Variants in SETD1B observed in about 807,000 individuals in gnomAD.
SETD1B encodes the protein histone-lysine N-methyltransferase SETD1B.
SETD1B carries 7 observed loss-of-function variants against 148.0 expected under a neutral mutation model. That is an observed-to-expected ratio of 0.05 (90% confidence interval 0.03 to 0.09). The LOEUF is 0.09. Ranked by LOEUF, SETD1B falls within the 10% of genes least tolerant of loss-of-function variation. SETD1B has a pLI of 1.00. For synonymous variants in SETD1B, 1,361 were observed against 1,186.5 expected, an observed-to-expected ratio of 1.15 and a Z score of -3.02; for missense variants, 2,155 against 2,729.9, an observed-to-expected ratio of 0.79 and a Z score of 4.69.
At chr12:121,816,890 GT>G (rs1467462607) in intron 7 of SETD1B, 142 bp from the exon 8 acceptor site, 1 of 710,684 alleles carries the variant, frequency 1.4e-6, no homozygotes, top group Non-Finnish European at 2.3e-6. Context: ...ACGGCATAGT[GT>G]GGCCAGGTGT....
At chr12:121,791,635 C>T in the SETD1B span, among the ~76,000 whole-genome samples, 12 of 152,320 alleles carry the variant, frequency 7.9e-5, no homozygotes, top group East Asian at 2.3e-3. Context: ...TCCAGAATCT[C>T]CACAACTCAA....
At chr12:121,826,092 A>G (rs886948419) in intron 13 of SETD1B, among the ~76,000 whole-genome samples, 4 of 152,094 alleles carry the variant, frequency 2.6e-5, no homozygotes, top group African/African-American at 9.7e-5. Context: ...TTAAAAAAAA[A>G]TTGAGACGGG....
At chr12:121,815,405 C>T (rs1876243232) in intron 7 of SETD1B, among the ~76,000 whole-genome samples, 1 of 151,362 alleles carries the variant, frequency 6.6e-6, no homozygotes, top group African/African-American at 2.4e-5. Context: ...ACTGCCCCCC[C>T]CGCCCATTGC....
intron 10 of SETD1B, 52 bp from the exon 11 acceptor site, chr12:121,819,352 G>T (rs1876452820): frequency 3.2e-6 from 5 of 1,548,940 alleles, no homozygotes; most frequent in Admixed American, 2.0e-5. Flanking sequence ...TCTGGTGGGG[G>T]CTGGGGCACA....
At chr12:121,790,640 G>A in the SETD1B span, among the ~76,000 whole-genome samples, 2 of 152,190 alleles carry the variant, frequency 1.3e-5, no homozygotes, top group Admixed American at 6.5e-5. Flanking sequence ...ACCCTACAGG[G>A]AGCAGCCAGA....
intron 14 of SETD1B, 35 bp downstream of exon 14, chr12:121,827,685 C>G (rs368531784): frequency 6.4e-7 from 1 of 1,551,470 alleles, no homozygotes; most frequent in South Asian, 1.2e-5. Context: ...GCCGGGGTGG[C>G]GGCAGGACCT....
intron 12 of SETD1B, 93 bp from the exon 13 acceptor site, chr12:121,825,107 C>A: frequency 7.5e-7 from 1 of 1,326,562 alleles, no homozygotes; most frequent in Non-Finnish European, 1.0e-6. Context: ...CATCGCTGTC[C>A]CTGAAGGGTG....
chr12:121,805,018 G>C lies in SETD1B; in HGVS notation c.175-100G>C. 6.8e-7 allele frequency: 1 copy of C among 1,469,996 alleles called. No individual in the cohort carries two copies. The highest frequency in any genetic ancestry group is 9.2e-7 in the Non-Finnish European group (1 of 1,090,596). 91.1% of individuals were successfully genotyped at this position (1,469,996 alleles called of 1,614,324 possible). A position where few individuals can be genotyped will look rare whatever the true frequency, so the allele number is the denominator to read the frequency against. ...GATCCCCCGGCCAACTGTCAGACGG[G>C]GCCCCAGCCCTGGAGTTTGACAAGT... On this transcript the variant is annotated intron_variant, in intron 2 of 16. Coordinates refer to ENST00000604567, the MANE Select transcript of SETD1B (RefSeq NM_001353345.2). This position sits in a 1 kb window ranked among gnomAD's most constrained non-coding sequence, Gnocchi z 4.2.
upstream of SETD1B, chr12:121,799,660 G>A (rs1336197686): frequency 2.7e-5 from 4 of 148,258 alleles, no homozygotes; most frequent in Non-Finnish European, 4.5e-5. Flanking sequence ...AACAGAAGCT[G>A]ACAGACGGGG....
At chr12:121,806,691 G>A (rs1001171910) in intron 4 of SETD1B, among the ~76,000 whole-genome samples, 1 of 152,224 alleles carries the variant, frequency 6.6e-6, no homozygotes, top group African/African-American at 2.4e-5. Flanking sequence ...GGAAGAGCCA[G>A]GCAGGCGGCT....
intron 16 of SETD1B, among the ~76,000 whole-genome samples, chr12:121,828,791 A>G (rs147756697): frequency 6.6e-6 from 1 of 152,230 alleles, no homozygotes; most frequent in Non-Finnish European, 1.5e-5. Flanking sequence ...TAAAACAGAG[A>G]CAATAACAGT....
chr12:121,829,458 C>T (rs2137592833), intron 16 of SETD1B, among the ~76,000 whole-genome samples: 1 of 152,296 alleles, frequency 6.6e-6, no homozygotes, highest in East Asian at 1.9e-4. Flanking sequence ...GGTGCAGCGG[C>T]TGCCCAGAGC....
Position 121,814,159 on chromosome 12 carries a change from G to T in SETD1B, c.1944G>T (p.Ser648=), listed in dbSNP as rs567239148. 1.1e-5 allele frequency: 17 copies of T among 1,547,862 alleles called. No individual in the cohort carries two copies. The highest frequency in any genetic ancestry group is 3.4e-4 in the Middle Eastern group (2 of 5,822). The change falls in exon 7 of 17, where the codon TCG becomes TCT. Residue 648 remains serine (S), a synonymous_variant. Coordinates refer to ENST00000604567, the MANE Select transcript of SETD1B (RefSeq NM_001353345.2). ...AGATCTCGGATGACGAGATGCCCTC[G>T]GCCCCCATCACCAGCGCTGACTGCC... is the stretch of plus-strand genomic sequence containing the variant. ...DMEISDDEMP[S]APITSADCPK...
Position 121,805,038 on chromosome 12 carries a change from A to T in SETD1B, c.175-80A>T. 6.7e-7 allele frequency: 1 copy of T among 1,489,530 alleles called. No individual in the cohort carries two copies. The highest frequency in any genetic ancestry group is 9.1e-7 in the Non-Finnish European group (1 of 1,099,490). 92.3% of individuals were successfully genotyped at this position (1,489,530 alleles called of 1,614,324 possible). ...GACGGGGCCCCAGCCCTGGAGTTTG[A>T]CAAGTGCCTCGAGAAAGGGGTCTGC... On this transcript the variant is annotated intron_variant, in intron 2 of 16. Transcript: ENST00000604567. This position sits in a 1 kb window ranked among gnomAD's most constrained non-coding sequence, Gnocchi z 4.2.
chr12:121,794,975 G>A, the SETD1B span, among the ~76,000 whole-genome samples: 1 of 152,188 alleles, frequency 6.6e-6, no homozygotes, highest in African/African-American at 2.4e-5. Flanking sequence ...ACCCCACCCC[G>A]AAGACTCCCA....
In SETD1B at chr12:121,805,227, T is replaced by TC. The variant is rs1566545675; in HGVS notation, c.273+15dup. 7 of 1,537,400 alleles carry TC rather than the reference T, an allele frequency of 4.6e-6. No homozygotes were observed. Among genetic ancestry groups the TC allele is most frequent in the Non-Finnish European group, 6.2e-6 (7 of 1,136,850 alleles). On this transcript the variant is annotated intron_variant, in intron 3 of 16. Transcript: ENST00000604567. This position sits in a 1 kb window ranked among gnomAD's most constrained non-coding sequence, Gnocchi z 4.2. ...GTGCCCAAATTCAAGGTAGGACCCC[T>TC]CCCCACTGCCCCGCCGTCCCTCCCC...
Position 121,814,593 on chromosome 12 carries a change from C to T in SETD1B, c.2378C>T (p.Pro793Leu). ...SRLMTGQGACPYPPFMAAAAA... is the reference protein window; with the variant it reads ...SRLMTGQGACLYPPFMAAAAA... ...CTGATGACGGGCCAGGGCGCCTGCC[C>T]CTACCCGCCCTTCATGGCCGCTGCG... The change falls in exon 7 of 17, where the codon CCC becomes CTC. Residue 793 changes from proline (P) to leucine (L), a missense_variant. Coordinates refer to ENST00000604567, the MANE Select transcript of SETD1B (RefSeq NM_001353345.2). 6.5e-7 allele frequency: 1 copy of T among 1,532,150 alleles called. No homozygotes were observed. The highest frequency in any genetic ancestry group is 1.2e-5 in the South Asian group (1 of 82,458). The allele number at this position is 1,532,150 out of a possible 1,614,324, so 94.9% of individuals were successfully genotyped here.
intron 13 of SETD1B, among the ~76,000 whole-genome samples, chr12:121,825,755 C>T (rs1876810609): frequency 6.6e-6 from 1 of 152,084 alleles, no homozygotes; most frequent in Non-Finnish European, 1.5e-5. Flanking sequence ...AATGATTCTC[C>T]TGCCTCAGCC....
rs1592973490 is a variant in SETD1B, at chr12:121,805,685, A to G, written c.274-150A>G. On this transcript the variant is annotated intron_variant, in intron 3 of 16. Coordinates refer to ENST00000604567, the MANE Select transcript of SETD1B (RefSeq NM_001353345.2). The surrounding 1 kb of genome is among the most constrained non-coding windows in gnomAD (Gnocchi z 4.2). ...CCCGCGTGCATTTTTTTTTTCCAAA[A>G]AAAATTTTTTTTTTTTTTTTAATTT... 2.8e-6 allele frequency: 2 copies of G among 702,766 alleles called. No individual in the cohort carries two copies. The highest frequency in any genetic ancestry group is 3.9e-6 in the Non-Finnish European group (2 of 515,900). The allele number at this position is 702,766 out of a possible 1,614,324, so 43.5% of individuals were successfully genotyped here. A position where few individuals can be genotyped will look rare whatever the true frequency, so the allele number is the denominator to read the frequency against.
Sources: gnomAD v4.1 joint callset for allele counts (sites outside exome capture counted in the v4.1 genomes callset) on GRCh38, gnomAD v4.1.1 for gene constraint, Gnocchi (gnomAD v3.1) non-coding constraint, MANE v1.5 for transcripts, NCBI Gene and HGNC (gene_info 2026-07-23, HGNC 2026-07-21) for gene names.